The following PODXL2 variants were observed in gnomAD, a reference collection of about 807,000 sequenced individuals.
PODXL2 encodes podocalyxin like 2, also known as podocalyxin-like protein 2.
PODXL2 carries 17 observed loss-of-function variants against 53.4 expected under a neutral mutation model. That is an observed-to-expected ratio of 0.32 (90% CI 0.22 to 0.48). The LOEUF is 0.48. Ranked by LOEUF, PODXL2 falls within the 20% of genes least tolerant of loss-of-function variation. The pLI, the probability that PODXL2 is intolerant of heterozygous loss-of-function variation, is 0.99. For synonymous variants in PODXL2, 311 were observed against 306.7 expected (o/e 1.01, Z -0.15); for missense variants, 673 against 760.0 (o/e 0.89, Z 1.35).
chr3:127,669,270 C>T, intron 6 of PODXL2, 68 bp downstream of exon 6: 7 of 1,101,026 alleles, frequency 6.4e-6, no homozygotes, highest in Non-Finnish European at 9.5e-6. Context: ...TCCTCAAAGT[C>T]CCAGGAGTCT....
rs1178881376 is a variant in PODXL2, at chr3:127,671,487, G to C, written c.1479G>C (p.Gln493His). ...GCAGCTGCCAGGCGCGGGCCAGCCA[G>C]GTGCGCAGCGACTACGGCACGCTCT... The part of the protein sequence containing the change: ...TTSSCQARAS[Q>H]VRSDYGTLFV... The change falls in exon 7 of 8, where the codon CAG (glutamine) becomes CAC (histidine). Residue 493 changes from glutamine to histidine, a missense_variant. This residue lies in a region of PODXL2 where 588 missense variants were observed against 668.3 expected (regional missense o/e 0.88). Transcript: ENST00000342480. 4.3e-6 allele frequency: 7 copies of C among 1,614,042 alleles called. No individual in the cohort carries two copies. The Admixed American group carries it at 5.0e-5, about 12-fold the overall frequency.
chr3:127,642,402 A>T lies in PODXL2; in HGVS notation c.349+2879A>T, dbSNP rs149331972. ...TGTTTATGAAGCAGCAGATTTATGA[A>T]GGTATGGGCTGGATACAGGTGAACT... On this transcript the variant is annotated intron_variant, in intron 2 of 7. Transcript: ENST00000342480. Among the ~76,000 whole-genome samples the T allele has an allele frequency of 2.2e-4, 33 of 152,212 alleles. No homozygotes were observed. The East Asian group carries it at 5.8e-3, about 27-fold the overall frequency.
In PODXL2 at chr3:127,672,272, A is replaced by G; in HGVS notation, c.1610A>G (p.His537Arg). ...RRLPKLKHVS[H>R]GEELRFVENG... The stretch of plus-strand genomic sequence containing the variant: ...CCTCTCCCCACCCCGCCTCAGTCGC[A>G]CGGCGAGGAGCTGCGCTTCGTGGAG... Residue 537 changes from histidine to arginine, a missense_variant, in exon 8 of 8, where the codon CAC (histidine) becomes CGC (arginine). By Grantham distance (29) the His-to-Arg change is conservative (BLOSUM62 0). This residue lies in a region of PODXL2 where 588 missense variants were observed against 668.3 expected (regional missense o/e 0.88). Transcript: ENST00000342480. The G allele has an allele frequency of 6.5e-7, 1 of 1,543,562 alleles. No individual in the cohort carries two copies. The highest frequency in any genetic ancestry group is 1.2e-5 in the South Asian group (1 of 84,088).
chr3:127,661,155 C>T lies in PODXL2; in HGVS notation c.1127C>T (p.Thr376Met), dbSNP rs768240494. 22 of 1,612,804 alleles carry T rather than the reference C, an allele frequency of 1.4e-5. No homozygotes were observed. The Middle Eastern group carries it at 8.2e-4, about 60-fold the overall frequency. Residue 376 changes from threonine (T) to methionine (M), a missense_variant, in exon 3 of 8, where the codon ACG (threonine) becomes ATG (methionine). This residue lies in a region of PODXL2 where 588 missense variants were observed against 668.3 expected (regional missense o/e 0.88). Coordinates refer to ENST00000342480, the MANE Select transcript of PODXL2 (RefSeq NM_015720.4). ...CAATCCAGGATACCCTGGGATTCTA[C>T]GCAGGTAAAGTGAGGGGCATGCGGG... is the stretch of plus-strand genomic sequence containing the variant. ...EAQSRIPWDS[T>M]QVICKDWSNL...
chr3:127,672,777 G>A lies in PODXL2; in HGVS notation c.*297G>A, dbSNP rs989674941. On this transcript the variant is annotated 3_prime_UTR_variant, in exon 8 of 8. Coordinates refer to ENST00000342480, the MANE Select transcript of PODXL2 (RefSeq NM_015720.4). ...TGCGCCCCGGGACTCAATTAAACCCGCCCGGAGACCACGCCGGGCCCAGCG... is the reference window on the plus strand; with the variant it reads ...TGCGCCCCGGGACTCAATTAAACCCACCCGGAGACCACGCCGGGCCCAGCG... 12 of 350,744 alleles carry A rather than the reference G, an allele frequency of 3.4e-5. No individual in the cohort carries two copies. Among genetic ancestry groups the A allele is most frequent in the South Asian group, 1.1e-4 (1 of 8,990 alleles). The allele number at this position is 350,744 out of a possible 1,614,324, so 21.7% of individuals were successfully genotyped here.
At chr3:127,656,578 T>C (rs1275301426) in intron 2 of PODXL2, among the ~76,000 whole-genome samples, 1 of 151,454 alleles carries the variant, frequency 6.6e-6, no homozygotes, top group Non-Finnish European at 1.5e-5. Flanking sequence ...CTACTAAAAA[T>C]ACAAACATTA....
Position 127,667,728 on chromosome 3 carries a change from C to T in PODXL2, c.1207-713C>T, listed in dbSNP as rs1200965750. On this transcript the variant is annotated intron_variant, in intron 4 of 7. Transcript: ENST00000342480. ...AAACCTCACAATACAAGCGAGTGCACGATGAGAAAAGGTCTCCTCACACCC... is the reference window on the plus strand; with the variant it reads ...AAACCTCACAATACAAGCGAGTGCATGATGAGAAAAGGTCTCCTCACACCC... Among the ~76,000 whole-genome samples, 6 of 152,348 alleles carry T rather than the reference C, an allele frequency of 3.9e-5. No homozygotes were observed. In the East Asian group the frequency reaches 9.6e-4, roughly 24 times the overall value.
At chr3:127,662,460 C>A in intron 4 of PODXL2, 149 bp downstream of exon 4, 1 of 569,232 alleles carries the variant, frequency 1.8e-6, no homozygotes. Context: ...CAGCCATCAA[C>A]ATTACACACA....
intron 2 of PODXL2, among the ~76,000 whole-genome samples, chr3:127,645,383 C>T (rs1267525323): frequency 6.6e-6 from 1 of 152,214 alleles, no homozygotes; most frequent in Non-Finnish European, 1.5e-5. Context: ...TCTTCTCCAT[C>T]CTGATGTGCT....
intron 6 of PODXL2, among the ~76,000 whole-genome samples, chr3:127,670,831 T>C (rs910245373): frequency 6.6e-6 from 1 of 152,222 alleles, no homozygotes; most frequent in Non-Finnish European, 1.5e-5. Flanking sequence ...AAGGCAGGAC[T>C]GACCATGACA....
At chr3:127,665,673 T>C (rs1407528982) in intron 4 of PODXL2, among the ~76,000 whole-genome samples, 1 of 152,214 alleles carries the variant, frequency 6.6e-6, no homozygotes, top group Non-Finnish European at 1.5e-5. Context: ...AGGAGAAATA[T>C]GTGGATCATC....
intron 6 of PODXL2, among the ~76,000 whole-genome samples, chr3:127,671,138 C>T (rs1355624926): frequency 6.6e-6 from 1 of 152,194 alleles, no homozygotes; most frequent in Non-Finnish European, 1.5e-5. Flanking sequence ...TCCACTCTCA[C>T]TGGAGGCCTA....
chr3:127,652,588 C>T (rs1052585943), intron 2 of PODXL2, among the ~76,000 whole-genome samples: 1 of 152,176 alleles, frequency 6.6e-6, no homozygotes, highest in African/African-American at 2.4e-5. Flanking sequence ...CTTTCTCATC[C>T]TTCAGTGCCC....
chr3:127,658,406 C>CTT (rs60979669), intron 2 of PODXL2, among the ~76,000 whole-genome samples: 132 of 87,352 alleles, frequency 1.5e-3, no homozygotes, highest in African/African-American at 4.1e-3. Flanking sequence ...TTTCCCATGT[C>CTT]TTTTTTTTTT....
intron 6 of PODXL2, among the ~76,000 whole-genome samples, 192 bp downstream of exon 6, chr3:127,669,394 A>G (rs1239852831): frequency 2.2e-5 from 3 of 137,466 alleles, no homozygotes; most frequent in African/African-American, 5.4e-5. Context: ...TGTGCATGCT[A>G]CCAACCAAAG....
intron 4 of PODXL2, among the ~76,000 whole-genome samples, chr3:127,662,637 T>C (rs1220572008): frequency 6.6e-6 from 1 of 152,250 alleles, no homozygotes; most frequent in Non-Finnish European, 1.5e-5. Context: ...AGGTTGCTTT[T>C]CTCCGTTTTG....
At chr3:127,671,647 T>G (rs760999031) in intron 7 of PODXL2, 34 bp downstream of exon 7, 4 of 1,598,082 alleles carry the variant, frequency 2.5e-6, no homozygotes, top group South Asian at 1.1e-5. Context: ...TGGGGGCCAG[T>G]TGAGAGGAGA....
intron 4 of PODXL2, among the ~76,000 whole-genome samples, chr3:127,668,036 C>T (rs1200651063): frequency 6.6e-6 from 1 of 152,102 alleles, no homozygotes; most frequent in African/African-American, 2.4e-5. Flanking sequence ...GCACAGGGAG[C>T]AGTTCTCCCA....
In PODXL2 at chr3:127,660,633, A is replaced by G. The variant is rs115568415; in HGVS notation, c.605A>G (p.Gln202Arg). The stretch of plus-strand genomic sequence containing the variant: ...GGATCCCAAGAAGAAGCCAAGCCTC[A>G]GGTCCGTGACTTTTCTCTCACCAGC... ...VNGSQEEAKP[Q>R]VRDFSLTSSS... The change falls in exon 3 of 8, where the codon CAG becomes CGG. Residue 202 changes from glutamine to arginine, a missense_variant. Gln to Arg is a conservative substitution (Grantham distance 43). Coordinates refer to ENST00000342480, the MANE Select transcript of PODXL2 (RefSeq NM_015720.4). The G allele has an allele frequency of 4.7e-4, 763 of 1,614,222 alleles. No individual in the cohort carries two copies. The highest frequency in any genetic ancestry group is 6.6e-4 in the Middle Eastern group (4 of 6,062).
Sources: gnomAD v4.1 joint callset for allele counts (sites outside exome capture counted in the v4.1 genomes callset) on GRCh38, gnomAD v4.1.1 for gene constraint, gnomAD v4.1.1 regional missense constraint, MANE v1.5 for transcripts, NCBI Gene and HGNC (gene_info 2026-07-23, HGNC 2026-07-21) for gene names.